Variants in PKNOX2 observed in about 807,000 individuals in gnomAD.
The protein encoded by PKNOX2 is homeobox protein PKNOX2.
Under a neutral mutation model 53.1 loss-of-function variants are expected in PKNOX2, and 14 were observed. That is an observed-to-expected ratio of 0.26 (90% CI 0.17 to 0.41). The LOEUF (loss-of-function observed/expected upper bound fraction) is 0.41. Among genes scored for constraint, PKNOX2 ranks in the 10% least tolerant of loss-of-function variants. PKNOX2 has a pLI of 1.00. For missense variants in PKNOX2, 496 were observed against 602.8 expected (o/e 0.82, Z 1.85); for synonymous variants, 257 against 242.8 (o/e 1.06, Z -0.54).
At chr11:125,344,459 C>T (rs1295579052) in intron 3 of PKNOX2, among the ~76,000 whole-genome samples, 2 of 152,162 alleles carry the variant, frequency 1.3e-5, no homozygotes, top group Admixed American at 6.5e-5. Flanking sequence ...CTCCATGTGG[C>T]ATTTAAGGGC....
chr11:125,303,089 G>A (rs1396332565), intron 2 of PKNOX2, among the ~76,000 whole-genome samples: 1 of 152,150 alleles, frequency 6.6e-6, no homozygotes, highest in African/African-American at 2.4e-5. Flanking sequence ...TGGGTGCTGA[G>A]AGCCAGGTGG....
At chr11:125,280,865 A>G (rs1946512537) in intron 2 of PKNOX2, among the ~76,000 whole-genome samples, 1 of 152,128 alleles carries the variant, frequency 6.6e-6, no homozygotes, top group African/African-American at 2.4e-5. Flanking sequence ...TGTGGTGTAT[A>G]AGGAGTATGT....
At chr11:125,297,980 C>G (rs1036691637) in intron 2 of PKNOX2, among the ~76,000 whole-genome samples, 1 of 152,144 alleles carries the variant, frequency 6.6e-6, no homozygotes, top group African/African-American at 2.4e-5. Context: ...CATCCTGGGA[C>G]CTGTCATATA....
chr11:125,361,487 G>C (rs1206559092), intron 4 of PKNOX2, among the ~76,000 whole-genome samples: 3 of 152,164 alleles, frequency 2.0e-5, no homozygotes, highest in African/African-American at 7.2e-5. Flanking sequence ...TTCAAAACTA[G>C]TTCTATCTGA....
At chr11:125,348,905 C>T (rs1951138058) in intron 3 of PKNOX2, among the ~76,000 whole-genome samples, 1 of 152,186 alleles carries the variant, frequency 6.6e-6, no homozygotes, top group East Asian at 1.9e-4. Flanking sequence ...CTTCCTGAGG[C>T]GGCTCCCACC....
At chr11:125,228,467 T>A (rs1232216575) in intron 1 of PKNOX2, among the ~76,000 whole-genome samples, 11 of 152,144 alleles carry the variant, frequency 7.2e-5, no homozygotes, top group Non-Finnish European at 1.5e-5. Context: ...GTCTTAGGTG[T>A]CTTGCTTTCT....
At chr11:125,173,393 G>A (rs975464067) in intron 1 of PKNOX2, among the ~76,000 whole-genome samples, 1 of 152,116 alleles carries the variant, frequency 6.6e-6, no homozygotes, top group Non-Finnish European at 1.5e-5. Flanking sequence ...TCTGTGTGTA[G>A]CAATGGAGCA....
intron 4 of PKNOX2, among the ~76,000 whole-genome samples, chr11:125,353,727 C>A (rs1424960699): frequency 1.3e-5 from 2 of 152,244 alleles, no homozygotes; most frequent in Admixed American, 6.5e-5. Context: ...GTAACCCTGG[C>A]AATCCATGAG....
chr11:125,391,428 A>G (rs1954046029), intron 6 of PKNOX2, among the ~76,000 whole-genome samples: 1 of 152,240 alleles, frequency 6.6e-6, no homozygotes, highest in South Asian at 2.1e-4. Flanking sequence ...AGGGAGGACC[A>G]TAATACCACA....
intron 5 of PKNOX2, among the ~76,000 whole-genome samples, chr11:125,368,321 T>C (rs932729004): frequency 1.3e-5 from 2 of 152,150 alleles, no homozygotes; most frequent in Non-Finnish European, 2.9e-5. Flanking sequence ...GTCCTGTTGT[T>C]GCTTTCCCTC....
intron 2 of PKNOX2, among the ~76,000 whole-genome samples, chr11:125,257,046 A>G (rs1327324448): frequency 6.7e-6 from 1 of 149,620 alleles, no homozygotes; most frequent in Non-Finnish European, 1.5e-5. Context: ...GCTTGTTTGT[A>G]CCACATTCTT....
At chr11:125,245,054 C>A (rs1943452798) in intron 2 of PKNOX2, among the ~76,000 whole-genome samples, 1 of 152,064 alleles carries the variant, frequency 6.6e-6, no homozygotes, top group South Asian at 2.1e-4. Context: ...AACTTTAAAC[C>A]CAATTTTTAA....
intron 3 of PKNOX2, among the ~76,000 whole-genome samples, chr11:125,344,686 C>T (rs925167488): frequency 2.0e-5 from 3 of 152,170 alleles, no homozygotes; most frequent in East Asian, 1.9e-4. Context: ...GTGGCCAAAG[C>T]GTCTGCTTGT....
In PKNOX2 at chr11:125,185,045, C is replaced by T. The variant is rs112449505; in HGVS notation, c.-201+20269C>T. On this transcript the variant is annotated intron_variant, in intron 1 of 12. Transcript: ENST00000298282. Reference sequence around the variant, plus strand: ...TGGTACCTGGCACATAATAGATGCTCAATAAACAAGCATTGAGTCCCACCC... The same window carrying T: ...TGGTACCTGGCACATAATAGATGCTTAATAAACAAGCATTGAGTCCCACCC... 7.5e-3 allele frequency among the ~76,000 whole-genome samples: 1,136 copies of T among 152,258 alleles called. 17 individuals are homozygous for T. The highest frequency in any genetic ancestry group is 0.026 in the African/African-American group (1,068 of 41,562).
Position 125,308,194 on chromosome 11 carries a change from C to T in PKNOX2, c.-129-23625C>T, listed in dbSNP as rs553628407. Among the ~76,000 whole-genome samples, 23 of 152,344 alleles carry T rather than the reference C, an allele frequency of 1.5e-4. 1 individual carries two copies. The highest frequency in any genetic ancestry group is 5.3e-4 in the African/African-American group (22 of 41,572). ...TGTGCCCTATTACTGCTTCTTGCTG[C>T]CCCTTCCTGCCAAGTTTCAGCTTAT... On this transcript the variant is annotated intron_variant, in intron 2 of 12. Transcript: ENST00000298282.
intron 4 of PKNOX2, among the ~76,000 whole-genome samples, chr11:125,361,866 C>T (rs1951942478): frequency 6.6e-6 from 1 of 152,288 alleles, no homozygotes; most frequent in South Asian, 2.1e-4. Context: ...GCTTGAAGCC[C>T]CTGCAGGCAG....
chr11:125,300,066 C>T (rs1947935958), intron 2 of PKNOX2, among the ~76,000 whole-genome samples: 2 of 152,224 alleles, frequency 1.3e-5, no homozygotes. Flanking sequence ...GGCCTGTCAA[C>T]CAGCATCCTG....
At chr11:125,341,015 A>C in intron 3 of PKNOX2, among the ~76,000 whole-genome samples, 1 of 140,440 alleles carries the variant, frequency 7.1e-6, no homozygotes, top group Non-Finnish European at 1.5e-5. Context: ...ACACCACTGC[A>C]CTCCAGCCTG....
intron 1 of PKNOX2, among the ~76,000 whole-genome samples, chr11:125,198,171 A>G (rs905431492): frequency 1.3e-5 from 2 of 152,154 alleles, no homozygotes; most frequent in African/African-American, 4.8e-5. Flanking sequence ...CAGAAAAGAG[A>G]GCAGCAGAGG....
Sources: gnomAD v4.1 joint callset for allele counts (sites outside exome capture counted in the v4.1 genomes callset) on GRCh38, gnomAD v4.1.1 for gene constraint, MANE v1.5 for transcripts, NCBI Gene and HGNC (gene_info 2026-07-23, HGNC 2026-07-21) for gene names.